SSBP2: variants seen among roughly 807,000 people sequenced by gnomAD.
SSBP2 encodes single stranded DNA binding protein 2, also known as single-stranded DNA-binding protein 2.
Under a neutral mutation model 61.8 loss-of-function variants are expected in SSBP2, and 17 were observed. The ratio of observed to expected loss-of-function variants is 0.28; its 90% CI spans 0.19 to 0.41. SSBP2 has a LOEUF of 0.41. SSBP2 is among the 10% of genes least tolerant of loss of function. SSBP2 has a pLI of 1.00. For missense variants in SSBP2, 310 were observed against 458.7 expected (o/e 0.68, Z 2.96); for synonymous variants, 139 against 141.3 (o/e 0.98, Z 0.12).
intron 13 of SSBP2, among the ~76,000 whole-genome samples, chr5:81,442,115 T>G (rs914705214): frequency 1.3e-5 from 2 of 152,176 alleles, no homozygotes; most frequent in Non-Finnish European, 2.9e-5. Context: ...GCCTTATAGA[T>G]AAATAAAATG....
chr5:81,500,583 C>T (rs1317565865), intron 5 of SSBP2, among the ~76,000 whole-genome samples: 1 of 152,094 alleles, frequency 6.6e-6, no homozygotes. Context: ...GCCTCAGTCT[C>T]CCGAGTAGCT....
At chr5:81,749,473 C>T (rs889532240) in intron 1 of SSBP2, among the ~76,000 whole-genome samples, 1 of 152,158 alleles carries the variant, frequency 6.6e-6, no homozygotes, top group Non-Finnish European at 1.5e-5. Flanking sequence ...GAAACTCAGT[C>T]GCCTGCGCAT....
intron 3 of SSBP2, among the ~76,000 whole-genome samples, chr5:81,624,377 T>C (rs1746928134): frequency 6.6e-6 from 1 of 152,178 alleles, no homozygotes; most frequent in Non-Finnish European, 1.5e-5. Context: ...TAAAACAAGG[T>C]TGAGTATCCC....
At chr5:81,583,458 T>C (rs1005516470) in intron 4 of SSBP2, among the ~76,000 whole-genome samples, 1 of 151,630 alleles carries the variant, frequency 6.6e-6, no homozygotes, top group African/African-American at 2.4e-5. Flanking sequence ...TGAAACCCCG[T>C]CTCTACTAAA....
intron 1 of SSBP2, among the ~76,000 whole-genome samples, chr5:81,682,483 T>C (rs1350729340): frequency 6.6e-6 from 1 of 152,180 alleles, no homozygotes; most frequent in Non-Finnish European, 1.5e-5. Flanking sequence ...CACCCATTCA[T>C]GATAAAAAAC....
chr5:81,458,113 A>C (rs1764290479), intron 10 of SSBP2, among the ~76,000 whole-genome samples: 1 of 152,208 alleles, frequency 6.6e-6, no homozygotes, highest in African/African-American at 2.4e-5. Flanking sequence ...CAAAACAAAC[A>C]AACAACCTCC....
At chr5:81,681,588 G>C (rs910636203) in intron 1 of SSBP2, among the ~76,000 whole-genome samples, 1 of 148,888 alleles carries the variant, frequency 6.7e-6, no homozygotes, top group African/African-American at 2.5e-5. Flanking sequence ...AGTGCATAGA[G>C]AGAATGTTAT....
intron 1 of SSBP2, among the ~76,000 whole-genome samples, chr5:81,710,371 C>G (rs1754689420): frequency 6.6e-6 from 1 of 151,888 alleles, no homozygotes; most frequent in South Asian, 2.1e-4. Context: ...CAAATGAATC[C>G]CAAAGAAAGA....
intron 12 of SSBP2, 113 bp from the exon 13 acceptor site, chr5:81,442,836 C>T: frequency 2.1e-6 from 1 of 476,284 alleles, no homozygotes; most frequent in Non-Finnish European, 3.7e-6. Flanking sequence ...ATATAAGCTG[C>T]AACACTTGAA....
intron 4 of SSBP2, among the ~76,000 whole-genome samples, chr5:81,599,486 A>G (rs994938806): frequency 1.3e-5 from 2 of 152,242 alleles, no homozygotes; most frequent in African/African-American, 4.8e-5. Flanking sequence ...ATTTGCTTGG[A>G]AACAACAGAC....
At chr5:81,581,344 T>C (rs1774630538) in intron 4 of SSBP2, among the ~76,000 whole-genome samples, 1 of 152,184 alleles carries the variant, frequency 6.6e-6, no homozygotes, top group African/African-American at 2.4e-5. Flanking sequence ...AAATGTAGAA[T>C]GGAGGTGTTT....
At chr5:81,716,432 T>G (rs1423575698) in intron 1 of SSBP2, among the ~76,000 whole-genome samples, 1 of 152,148 alleles carries the variant, frequency 6.6e-6, no homozygotes, top group Non-Finnish European at 1.5e-5. Context: ...TAATGCATGC[T>G]TACATAATTT....
intron 5 of SSBP2, among the ~76,000 whole-genome samples, chr5:81,495,205 G>T (rs903685463): frequency 6.6e-6 from 1 of 152,026 alleles, no homozygotes; most frequent in African/African-American, 2.4e-5. Context: ...AAGGTCCCAG[G>T]CCCCTTAATG....
chr5:81,543,174 C>T (rs1312178128), intron 4 of SSBP2, among the ~76,000 whole-genome samples: 1 of 152,080 alleles, frequency 6.6e-6, no homozygotes, highest in Non-Finnish European at 1.5e-5. Flanking sequence ...ATACTCTCTC[C>T]TACAGCCTTG....
intron 2 of SSBP2, among the ~76,000 whole-genome samples, chr5:81,642,480 G>A (rs762702660): frequency 2.6e-5 from 4 of 152,086 alleles, no homozygotes; most frequent in Non-Finnish European, 5.9e-5. Flanking sequence ...TTTATCATAT[G>A]ATCTAACATT....
intron 16 of SSBP2, among the ~76,000 whole-genome samples, chr5:81,425,869 G>GACTAGGATAGT (rs1310702460): frequency 8.5e-5 from 13 of 152,148 alleles, no homozygotes; most frequent in Admixed American, 2.6e-4. Flanking sequence ...AGTGTGAAGA[G>GACTAGGATAGT]ACTAGGATAG....
rs535908581 is a variant in SSBP2, at chr5:81,618,275, A to G, written c.198-2718T>C. Among the ~76,000 whole-genome samples, 9 of 98,820 alleles carry G rather than the reference A, an allele frequency of 9.1e-5. 3 individuals carry two copies. The highest frequency in any genetic ancestry group is 2.4e-4 in the Admixed American group (2 of 8,304). The allele number at this position is 98,820 out of a possible 152,430, so 64.8% of individuals were successfully genotyped here. On this transcript the variant is annotated intron_variant, in intron 3 of 16. Transcript: ENST00000320672. Reference sequence around the variant, plus strand: ...GGAGGAAGATCTACCAAGCCAATGGAAAACAAAAAAAGGCAGGGGTTGCAA... The same window carrying G: ...GGAGGAAGATCTACCAAGCCAATGGGAAACAAAAAAAGGCAGGGGTTGCAA...
At chr5:81,538,254 C>T (rs1040314926) in intron 4 of SSBP2, among the ~76,000 whole-genome samples, 1 of 152,178 alleles carries the variant, frequency 6.6e-6, no homozygotes, top group Non-Finnish European at 1.5e-5. Context: ...GATAGAAGAT[C>T]AAACCAGCCA....
intron 6 of SSBP2, 147 bp from the exon 7 acceptor site, chr5:81,474,709 A>G (rs968247497): frequency 4.8e-6 from 3 of 626,574 alleles, no homozygotes; most frequent in Non-Finnish European, 5.1e-6. Flanking sequence ...ACATTCATTT[A>G]TAAGTTTTGC....
Sources: gnomAD v4.1 joint callset for allele counts (sites outside exome capture counted in the v4.1 genomes callset) on GRCh38, gnomAD v4.1.1 for gene constraint, MANE v1.5 for transcripts, NCBI Gene and HGNC (gene_info 2026-07-23, HGNC 2026-07-21) for gene names.